Variants in IFT172 observed in about 807,000 individuals in gnomAD.
IFT172 encodes intraflagellar transport protein 172 homolog.
Under a neutral mutation model 248.9 loss-of-function variants are expected in IFT172, and 164 were observed. The ratio of observed to expected loss-of-function variants is 0.66; its 90% CI spans 0.58 to 0.75. The LOEUF (loss-of-function observed/expected upper bound fraction) is 0.75. Among genes scored for constraint, IFT172 ranks in the 30% least tolerant of loss-of-function variants. The pLI, the probability that IFT172 is intolerant of heterozygous loss-of-function variation, is 0.00. For synonymous variants in IFT172, 729 were observed against 791.6 expected (o/e 0.92, Z 1.33); for missense variants, 1,950 against 2,192.4 (o/e 0.89, Z 2.21).
At chr2:27,482,184 T>C (rs1365257556) in intron 7 of IFT172, among the ~76,000 whole-genome samples, 5 of 151,730 alleles carry the variant, frequency 3.3e-5, no homozygotes, top group Admixed American at 1.3e-4. Flanking sequence ...GGTTTCACCA[T>C]GTTGGCCAGG....
chr2:27,478,598 T>A (rs1668134365), intron 10 of IFT172, among the ~76,000 whole-genome samples: 1 of 152,212 alleles, frequency 6.6e-6, no homozygotes, highest in Non-Finnish European at 1.5e-5. Context: ...CATGTGCCAC[T>A]GCATCTGGCT....
intron 40 of IFT172, 53 bp downstream of exon 40, chr2:27,448,862 G>C (rs979926997): frequency 2.3e-6 from 2 of 868,064 alleles, no homozygotes; most frequent in Non-Finnish European, 4.0e-6. Flanking sequence ...GGTGGTTCTA[G>C]AGGAGAAAGA....
At chr2:27,467,496 C>T (rs902057716) in intron 16 of IFT172, among the ~76,000 whole-genome samples, 2 of 143,148 alleles carry the variant, frequency 1.4e-5, no homozygotes, top group African/African-American at 5.2e-5. Flanking sequence ...CCTGTAGTCC[C>T]AGCTACTCAG....
chr2:27,457,648 C>T lies in IFT172; in HGVS notation c.3219G>A (p.Glu1073=). Residue 1073 remains glutamate (E), a synonymous_variant, in exon 29 of 48, where the codon GAG becomes GAA. Transcript: ENST00000260570. ...GGCCTGAACTCCTTACCCTGTAGGC[C>T]TCTTCCCAAAGCCCACTGGCCCGGT... ...NMYRASGLWE[E]AYRVARTQGG... The T allele has an allele frequency of 6.2e-7, 1 of 1,613,968 alleles. No homozygotes were observed. The highest frequency in any genetic ancestry group is 8.5e-7 in the Non-Finnish European group (1 of 1,179,926).
chr2:27,447,489 T>C lies in IFT172; in HGVS notation c.4659+26A>G, dbSNP rs78287953. 9.4e-4 allele frequency: 1,510 copies of C among 1,610,614 alleles called. 13 individuals are homozygous for C. The African/African-American group carries it at 0.018, about 19-fold the overall frequency. ...TTGCAGATGAGCCCTTCTGACTGAG[T>C]GTTCCTTCGACCCCCTACATCTCAC... is the stretch of plus-strand genomic sequence containing the variant. On this transcript the variant is annotated intron_variant, in intron 42 of 47. Transcript: ENST00000260570.
In IFT172 at chr2:27,471,963, G is replaced by A. The variant is rs570649308; in HGVS notation, c.1524+287C>T. On this transcript the variant is annotated intron_variant, in intron 15 of 47. Transcript: ENST00000260570. Reference sequence around the variant, plus strand: ...TGAGGCAGGAGAATCACTTGAACCCGGGAGGCAGAAGTTGCAGTGAGCCCA... The same window carrying A: ...TGAGGCAGGAGAATCACTTGAACCCAGGAGGCAGAAGTTGCAGTGAGCCCA... 2.4e-5 allele frequency: 11 copies of A among 464,518 alleles called. No homozygotes were observed. The South Asian group carries it at 2.4e-4, about 10-fold the overall frequency. 28.8% of individuals were successfully genotyped at this position (464,518 alleles called of 1,614,324 possible). A position where few individuals can be genotyped will look rare whatever the true frequency, so the allele number is the denominator to read the frequency against.
intron 39 of IFT172, 98 bp downstream of exon 39, chr2:27,449,196 T>G: frequency 6.8e-7 from 1 of 1,479,940 alleles, no homozygotes; most frequent in Non-Finnish European, 9.4e-7. Context: ...ATCTTTGGGC[T>G]TTGGGTTTTT....
At chr2:27,487,738 A>G (rs1363746109) in intron 1 of IFT172, among the ~76,000 whole-genome samples, 2 of 151,770 alleles carry the variant, frequency 1.3e-5, no homozygotes, top group African/African-American at 2.4e-5. Context: ...GATTACAGGC[A>G]TGCGCCACCA....
chr2:27,468,425 G>A (rs1376907386), intron 16 of IFT172, among the ~76,000 whole-genome samples: 1 of 151,680 alleles, frequency 6.6e-6, no homozygotes, highest in Non-Finnish European at 1.5e-5. Flanking sequence ...GTAGAGATGC[G>A]GTTTCGCCAT....
Position 27,461,761 on chromosome 2 carries a change from T to C in IFT172, c.2191A>G (p.Lys731Glu). ...WDECIAVAEA[K>E]GHPALEKLRR... The stretch of plus-strand genomic sequence containing the variant: ...TGTGGAGAAGATAAAACAGGTACCT[T>C]GGCTTCAGCCACAGCGATACACTCA... Residue 731 changes from lysine to glutamate, a missense_variant and splice_region_variant, in exon 21 of 48, where the codon AAG becomes GAG. By Grantham distance (56) the Lys-to-Glu change is moderately conservative. Around this residue, in one of 3 missense-constraint regions of IFT172, gnomAD observed 1,166 missense variants for 1,254.1 expected, o/e 0.93. Transcript: ENST00000260570. The C allele has an allele frequency of 6.2e-7, 1 of 1,613,550 alleles. No individual in the cohort carries two copies. Among genetic ancestry groups the C allele is most frequent in the Non-Finnish European group, 8.5e-7 (1 of 1,179,716 alleles).
chr2:27,447,021 T>G (rs190031124), intron 42 of IFT172, among the ~76,000 whole-genome samples: 3 of 152,170 alleles, frequency 2.0e-5, no homozygotes, highest in Admixed American at 6.5e-5. Flanking sequence ...TTTTATGTTT[T>G]TAGTAGAGAT....
At position 27,463,140 on chromosome 2, in the gene IFT172, A is replaced by G; in HGVS notation, c.1979T>C (p.Leu660Pro). The change falls in exon 19 of 48, where the codon CTG (leucine) becomes CCG (proline). Residue 660 changes from leucine to proline, a missense_variant. Leu to Pro is a moderately conservative substitution (Grantham distance 98, BLOSUM62 -3). Around this residue, in one of 3 missense-constraint regions of IFT172, gnomAD observed 1,166 missense variants for 1,254.1 expected, o/e 0.93. Coordinates refer to ENST00000260570, the MANE Select transcript of IFT172 (RefSeq NM_015662.3). ...ALGQVAKARF[L>P]HETNEIADQV... ...ATCTGCAATCTCATTGGTCTCATGC[A>G]GGAATCGAGCTTTTGCTACTTGGCC... The G allele has an allele frequency of 6.2e-7, 1 of 1,614,216 alleles. No homozygotes were observed. The highest frequency in any genetic ancestry group is 1.1e-5 in the South Asian group (1 of 91,086).
In IFT172 at chr2:27,459,499, GC is replaced by G; in HGVS notation, c.2665del (p.Ala889ProfsTer15). On this transcript the variant is annotated frameshift_variant, in exon 25 of 48. Transcript: ENST00000260570. LOFTEE classifies it high-confidence loss of function. Reference sequence around the variant, plus strand: ...CTTCCACTGGCGGGCACCCAGGGCGGCCTCAATTGCCTTAATGGAGCACCTG... The same window carrying G: ...CTTCCACTGGCGGGCACCCAGGGCGGCTCAATTGCCTTAATGGAGCACCTG... ...EARCSIKAIE[A>X]ALGARQWKKA... The G allele has an allele frequency of 1.9e-6, 3 of 1,614,150 alleles. No homozygotes were observed. Among genetic ancestry groups the G allele is most frequent in the Non-Finnish European group, 2.5e-6 (3 of 1,180,032 alleles).
Position 27,463,151 on chromosome 2 carries a change from T to C in IFT172, c.1968A>G (p.Lys656=), listed in dbSNP as rs769179241. ...RCFSALGQVA[K]ARFLHETNEI... is the part of the protein sequence containing the mutation. ...CATTGGTCTCATGCAGGAATCGAGC[T>C]TTTGCTACTTGGCCCAAAGCAGAAA... The change falls in exon 19 of 48, where the codon AAA becomes AAG. Residue 656 remains lysine, a synonymous_variant. Transcript: ENST00000260570. The C allele has an allele frequency of 6.2e-7, 1 of 1,614,188 alleles. No individual in the cohort carries two copies.
Position 27,454,414 on chromosome 2 carries a change from T to G in IFT172, c.3470A>C (p.Lys1157Thr). The G allele has an allele frequency of 6.2e-7, 1 of 1,614,092 alleles. No individual in the cohort carries two copies. The highest frequency in any genetic ancestry group is 8.5e-7 in the Non-Finnish European group (1 of 1,180,020). Residue 1157 changes from lysine to threonine, a missense_variant, in exon 32 of 48, where the codon AAA (lysine) becomes ACA (threonine). Physicochemically the swap from Lys to Thr is moderately conservative, Grantham distance 78 (BLOSUM62 -1). Transcript: ENST00000260570. The surrounding 1 kb of genome is among the most constrained non-coding windows in gnomAD (Gnocchi z 4.2). ...GAATTCAGCTTCAGCCTCTTCGAATTTACCCTACAGGGAGAGAAAGGCAGC... is the reference window on the plus strand; with the variant it reads ...GAATTCAGCTTCAGCCTCTTCGAATGTACCCTACAGGGAGAGAAAGGCAGC... ...KYAMFLEDEG[K>T]FEEAEAEFIR...
intron 7 of IFT172, 61 bp from the exon 8 acceptor site, chr2:27,481,321 C>T (rs549219162): frequency 8.1e-7 from 1 of 1,227,996 alleles, no homozygotes; most frequent in South Asian, 1.3e-5. Context: ...AAATTCCTCA[C>T]TCTCAACACC....
chr2:27,473,964 T>C (rs946713373), intron 14 of IFT172, among the ~76,000 whole-genome samples: 1 of 152,136 alleles, frequency 6.6e-6, no homozygotes, highest in Non-Finnish European at 1.5e-5. Context: ...CCCGCCACCA[T>C]GCCCGGCTAA....
At chr2:27,472,539 C>G (rs1310736370) in intron 14 of IFT172, among the ~76,000 whole-genome samples, 177 bp from the exon 15 acceptor site, 4 of 152,182 alleles carry the variant, frequency 2.6e-5, no homozygotes, top group Non-Finnish European at 4.4e-5. Context: ...TGTCATCACT[C>G]TCTGGGGCTT....
At chr2:27,449,140 C>T (rs1665429513) in intron 39 of IFT172, 109 bp from the exon 40 acceptor site, 1 of 1,135,278 alleles carries the variant, frequency 8.8e-7, no homozygotes, top group African/African-American at 1.5e-5. Context: ...TGTACGCAAA[C>T]CTCTGACCCC....
Sources: allele counts gnomAD v4.1 joint callset (sites outside exome capture counted in the v4.1 genomes callset), GRCh38; gene constraint gnomAD v4.1.1; regional missense constraint gnomAD v4.1.1; non-coding constraint Gnocchi (gnomAD v3.1); transcripts MANE v1.5; gene names NCBI Gene and HGNC (gene_info 2026-07-23, HGNC 2026-07-21).